Variants in CEP85L observed in about 807,000 individuals in gnomAD.
CEP85L encodes centrosomal protein of 85 kDa-like.
CEP85L carries 60 observed loss-of-function variants against 100.3 expected under a neutral mutation model. That is an observed-to-expected ratio of 0.60 (90% CI 0.49 to 0.74). CEP85L has a LOEUF of 0.74. Ranked by LOEUF, CEP85L falls within the 30% of genes least tolerant of loss-of-function variation. The pLI, the probability that CEP85L is intolerant of heterozygous loss-of-function variation, is 0.00. For synonymous variants in CEP85L, 319 were observed against 322.7 expected (o/e 0.99, Z 0.12); for missense variants, 973 against 936.2 (o/e 1.04, Z -0.51).
intron 10 of CEP85L, among the ~76,000 whole-genome samples, chr6:118,477,395 T>C (rs1432111216): frequency 6.6e-6 from 1 of 152,178 alleles, no homozygotes; most frequent in African/African-American, 2.4e-5. Flanking sequence ...TGTGAATAAA[T>C]AAACATGCCA....
intron 1 of CEP85L, among the ~76,000 whole-genome samples, chr6:118,635,099 T>C (rs763211433): frequency 1.5e-4 from 23 of 152,188 alleles, no homozygotes; most frequent in Non-Finnish European, 3.2e-4. Context: ...AAGTGGTATC[T>C]AAATGTCAAT....
intron 2 of CEP85L, among the ~76,000 whole-genome samples, chr6:118,574,814 C>T (rs540290967): frequency 7.2e-5 from 11 of 152,210 alleles, no homozygotes; most frequent in Middle Eastern, 3.4e-3. Context: ...CAATTAAGTG[C>T]GAAGCGAGTG....
chr6:118,688,043 A>G (rs1776895510), intron 1 of CEP85L, among the ~76,000 whole-genome samples: 1 of 152,154 alleles, frequency 6.6e-6, no homozygotes, highest in East Asian at 1.9e-4. Flanking sequence ...CAAGAACCCC[A>G]GGTCAGAGAA....
intron 10 of CEP85L, among the ~76,000 whole-genome samples, chr6:118,479,510 C>T (rs1473390262): frequency 1.3e-5 from 2 of 152,040 alleles, no homozygotes; most frequent in African/African-American, 2.4e-5. Context: ...AACATCATGA[C>T]CACTCTATTA....
At chr6:118,649,426 G>A (rs1338683661) in intron 1 of CEP85L, among the ~76,000 whole-genome samples, 2 of 152,034 alleles carry the variant, frequency 1.3e-5, no homozygotes, top group Non-Finnish European at 2.9e-5. Context: ...AAAGTCCTTC[G>A]TTACCTAACT....
chr6:118,583,171 G>A (rs1415359704), intron 2 of CEP85L, among the ~76,000 whole-genome samples: 2 of 152,228 alleles, frequency 1.3e-5, no homozygotes, highest in Admixed American at 1.3e-4. Context: ...CAGTCTCATA[G>A]ATGGTCCAGC....
Position 118,623,700 on chromosome 6 carries a change from A to G in CEP85L, c.232+8753T>C, listed in dbSNP as rs533577243. ...ATCAAAGGGGGCTCAGTCCATATGA[A>G]ATGCTGTATGGATGGCCTTTTCTCA... On this transcript the variant is annotated intron_variant, in intron 2 of 12. Transcript: ENST00000368491. Among the ~76,000 whole-genome samples, 3 of 152,310 alleles carry G rather than the reference A, an allele frequency of 2.0e-5. No homozygotes were observed. The East Asian group carries it at 5.8e-4, about 29-fold the overall frequency.
chr6:118,468,556 G>A (rs990560099), intron 12 of CEP85L, among the ~76,000 whole-genome samples: 1 of 152,186 alleles, frequency 6.6e-6, no homozygotes, highest in Admixed American at 6.5e-5. Context: ...AAGAGTGAAT[G>A]GGTGTCACAT....
rs545441342 is a variant in CEP85L at position 118,681,501 on chromosome 6, G to A, written c.-28+28535C>T. Among the ~76,000 whole-genome samples, 18 of 152,214 alleles carry A rather than the reference G, an allele frequency of 1.2e-4. No individual in the cohort carries two copies. The South Asian group carries it at 3.7e-3, about 32-fold the overall frequency. On this transcript the variant is annotated intron_variant, in intron 1 of 13. Coordinates refer to the CEP85L transcript ENST00000368488. ...ATTATTAATAGTAAGCAGACCTCAT[G>A]TTAATTTTGAAGAACACTTAACAGA...
At chr6:118,687,242 T>G (rs1487308953) in intron 1 of CEP85L, among the ~76,000 whole-genome samples, 2 of 152,196 alleles carry the variant, frequency 1.3e-5, no homozygotes, top group African/African-American at 4.8e-5. Flanking sequence ...TTGTTTTTCT[T>G]GAGACAGAGT....
intron 1 of CEP85L, among the ~76,000 whole-genome samples, chr6:118,696,268 AAAAAAGAAAAAG>A (rs575296552): frequency 4.5e-4 from 69 of 151,956 alleles, no homozygotes; most frequent in East Asian, 1.9e-3. Flanking sequence ...CTGTCTCAAA[AAAAAAGAAAAAG>A]AAAAAGAAAA....
At chr6:118,535,891 A>C (rs1238481574) in intron 3 of CEP85L, among the ~76,000 whole-genome samples, 1 of 152,124 alleles carries the variant, frequency 6.6e-6, no homozygotes, top group Non-Finnish European at 1.5e-5. Flanking sequence ...AATTTATTAA[A>C]GGACTACTGT....
chr6:118,534,011 C>T (rs1418002451), intron 3 of CEP85L, among the ~76,000 whole-genome samples: 1 of 151,984 alleles, frequency 6.6e-6, no homozygotes, highest in Non-Finnish European at 1.5e-5. Flanking sequence ...AGGAGAATGG[C>T]TTGAACCCAG....
chr6:118,526,127 G>C (rs1319896283), intron 3 of CEP85L, among the ~76,000 whole-genome samples: 1 of 152,168 alleles, frequency 6.6e-6, no homozygotes, highest in East Asian at 1.9e-4. Flanking sequence ...AGTGTTACAG[G>C]GGCAGGTTAG....
intron 5 of CEP85L, among the ~76,000 whole-genome samples, chr6:118,510,111 A>G (rs1204195923): frequency 6.6e-6 from 1 of 152,124 alleles, no homozygotes; most frequent in Non-Finnish European, 1.5e-5. Context: ...AGATCCATGA[A>G]AGCAGGAACT....
chr6:118,603,847 G>A (rs1298870422), intron 2 of CEP85L, among the ~76,000 whole-genome samples: 1 of 152,166 alleles, frequency 6.6e-6, no homozygotes, highest in African/African-American at 2.4e-5. Flanking sequence ...GCCTTCTAAA[G>A]AGGACTAAAA....
intron 1 of CEP85L, among the ~76,000 whole-genome samples, chr6:118,678,963 C>T (rs1031299470): frequency 2.0e-5 from 3 of 152,134 alleles, no homozygotes; most frequent in African/African-American, 7.2e-5. Context: ...TTCCTTTCTC[C>T]CCACTCTTTA....
intron 10 of CEP85L, among the ~76,000 whole-genome samples, chr6:118,479,572 C>A (rs1303936929): frequency 6.6e-6 from 1 of 152,040 alleles, no homozygotes; most frequent in African/African-American, 2.4e-5. Context: ...TGTTTAACAG[C>A]AATTTTTTTC....
chr6:118,503,222 A>G (rs1234992440), intron 5 of CEP85L, among the ~76,000 whole-genome samples: 2 of 152,236 alleles, frequency 1.3e-5, no homozygotes, highest in Non-Finnish European at 2.9e-5. Context: ...AGATAGGTAT[A>G]AATCTAACAA....
Sources: allele counts gnomAD v4.1 joint callset (sites outside exome capture counted in the v4.1 genomes callset), GRCh38; gene constraint gnomAD v4.1.1; transcripts MANE v1.5; gene names NCBI Gene and HGNC (gene_info 2026-07-23, HGNC 2026-07-21).